The following PDZD2 variants were observed in gnomAD, a reference collection of about 807,000 sequenced individuals.
PDZD2 encodes the protein PDZ domain containing 2.
A neutral mutation model predicts 220.7 loss-of-function variants in PDZD2; 90 were observed. That is an observed-to-expected ratio of 0.41 (90% CI 0.34 to 0.49). The LOEUF is 0.49. Among genes scored for constraint, PDZD2 ranks in the 20% least tolerant of loss-of-function variants. The pLI, the probability that PDZD2 is intolerant of heterozygous loss-of-function variation, is 0.28. For synonymous variants in PDZD2, 1,375 were observed against 1,450.5 expected (o/e 0.95, Z 1.18); for missense variants, 3,174 against 3,608.5 (o/e 0.88, Z 3.08).
At chr5:32,042,071 C>T (rs559287056) in intron 7 of PDZD2, among the ~76,000 whole-genome samples, 35 of 68,912 alleles carry the variant, frequency 5.1e-4, no homozygotes, top group African/African-American at 1.1e-3. Context: ...CTGGCTAACA[C>T]GGTGAAACCC....
chr5:31,965,728 C>T (rs757047129), intron 2 of PDZD2, among the ~76,000 whole-genome samples: 3 of 152,098 alleles, frequency 2.0e-5, no homozygotes, highest in Non-Finnish European at 4.4e-5. Flanking sequence ...AACCCCATCT[C>T]TACTAAAAAA....
intron 2 of PDZD2, among the ~76,000 whole-genome samples, chr5:31,919,026 C>G (rs1223461589): frequency 6.6e-6 from 1 of 152,176 alleles, no homozygotes; most frequent in Non-Finnish European, 1.5e-5. Flanking sequence ...TTGTCACTTT[C>G]AATTACACCA....
intron 6 of PDZD2, among the ~76,000 whole-genome samples, chr5:32,022,838 A>C (rs1178256704): frequency 1.3e-5 from 2 of 152,144 alleles, no homozygotes; most frequent in Non-Finnish European, 2.9e-5. Flanking sequence ...AAAGTGACTC[A>C]CTGATGGCTT....
At chr5:31,789,640 AC>A (rs1753583250) in intron 1 of PDZD2, among the ~76,000 whole-genome samples, 1 of 152,166 alleles carries the variant, frequency 6.6e-6, no homozygotes. Context: ...TACAATAAAA[AC>A]TTCCGGGCTG....
chr5:31,966,222 GT>G (rs1748738927), intron 2 of PDZD2, among the ~76,000 whole-genome samples: 1 of 152,168 alleles, frequency 6.6e-6, no homozygotes, highest in Admixed American at 6.5e-5. Context: ...TGGTAGGGTT[GT>G]TTTAGATTGA....
chr5:31,982,063 G>A (rs575171937), intron 2 of PDZD2, among the ~76,000 whole-genome samples: 30 of 152,260 alleles, frequency 2.0e-4, no homozygotes, highest in African/African-American at 6.0e-4. Flanking sequence ...CATGCTGAGC[G>A]TCCTTTATTC....
At chr5:32,106,866 G>A (rs1438011219) in intron 24 of PDZD2, among the ~76,000 whole-genome samples, 3 of 152,206 alleles carry the variant, frequency 2.0e-5, no homozygotes, top group Non-Finnish European at 4.4e-5. Flanking sequence ...CCACTACAGG[G>A]CTGATATTGG....
chr5:31,943,794 G>C (rs897035326), intron 2 of PDZD2, among the ~76,000 whole-genome samples: 7 of 152,178 alleles, frequency 4.6e-5, no homozygotes, highest in African/African-American at 1.7e-4. Context: ...TTAAACATCT[G>C]TCTATCTTAA....
chr5:32,040,170 G>C (rs1355869877), intron 7 of PDZD2, among the ~76,000 whole-genome samples: 6 of 149,042 alleles, frequency 4.0e-5, no homozygotes, highest in Non-Finnish European at 7.4e-5. Flanking sequence ...CCTCTGCCCG[G>C]CTGCCCCATC....
At chr5:32,104,273 G>A (rs1744522726) in intron 24 of PDZD2, among the ~76,000 whole-genome samples, 2 of 151,860 alleles carry the variant, frequency 1.3e-5, no homozygotes, top group Non-Finnish European at 2.9e-5. Context: ...GTTTTCCTGT[G>A]TCTTTAAGCT....
Position 31,854,883 on chromosome 5 carries a change from C to T in PDZD2, c.476+55159C>T, listed in dbSNP as rs977615020. 13 of 728,740 alleles carry T rather than the reference C, an allele frequency of 1.8e-5. No homozygotes were observed. In the African/African-American group the frequency reaches 2.5e-4, roughly 14 times the overall value. 45.1% of individuals were successfully genotyped at this position (728,740 alleles called of 1,614,324 possible). On this transcript the variant is annotated intron_variant, in intron 2 of 24. Transcript: ENST00000438447. ...GTTTAGGATTGCATTACAGGCTTTT[C>T]CTAACCTCCTCCACCGCGGCGCGGA...
chr5:31,773,640 ACT>A (rs1752467004), intron 1 of PDZD2, among the ~76,000 whole-genome samples: 1 of 152,128 alleles, frequency 6.6e-6, no homozygotes. Context: ...ACAGAGCAAG[ACT>A]CTGTCTCAAA....
intron 1 of PDZD2, among the ~76,000 whole-genome samples, chr5:31,662,707 G>T (rs571832479): frequency 7.2e-5 from 11 of 152,292 alleles, no homozygotes; most frequent in Middle Eastern, 6.8e-3. Flanking sequence ...TCAGCTCACT[G>T]CATGCTCCGC....
intron 2 of PDZD2, chr5:31,847,577 TGGCTCGGA>T: frequency 1.4e-6 from 1 of 692,432 alleles, no homozygotes; most frequent in Non-Finnish European, 2.6e-6. Flanking sequence ...GGCCTGCTGC[TGGCTCGGA>T]GGCTTTTCAG....
intron 1 of PDZD2, among the ~76,000 whole-genome samples, chr5:31,770,950 A>G (rs1323599506): frequency 6.6e-6 from 1 of 151,982 alleles, no homozygotes; most frequent in Non-Finnish European, 1.5e-5. Flanking sequence ...AGTCTTGAAA[A>G]TGTGTGTGCT....
chr5:31,852,638 C>T (rs1172932249), intron 2 of PDZD2, among the ~76,000 whole-genome samples: 1 of 152,054 alleles, frequency 6.6e-6, no homozygotes, highest in Non-Finnish European at 1.5e-5. Flanking sequence ...ACTCTGTAGC[C>T]CAGGCTGGAG....
chr5:32,040,760 TGAG>T (rs1194785972), intron 7 of PDZD2, among the ~76,000 whole-genome samples: 2 of 126,278 alleles, frequency 1.6e-5, no homozygotes, highest in Admixed American at 8.0e-5. Flanking sequence ...TGGGAGGAAG[TGAG>T]GAGTGCCTCT....
chr5:31,672,858 C>T (rs1488097460), intron 1 of PDZD2, among the ~76,000 whole-genome samples: 1 of 152,156 alleles, frequency 6.6e-6, no homozygotes, highest in Non-Finnish European at 1.5e-5. Flanking sequence ...TTGGACAGAG[C>T]GGGGGCTCCC....
At chr5:32,066,629 T>C (rs1449563324) in intron 14 of PDZD2, among the ~76,000 whole-genome samples, 3 of 152,236 alleles carry the variant, frequency 2.0e-5, no homozygotes, top group Non-Finnish European at 4.4e-5. Flanking sequence ...CTGGCTGCCC[T>C]AATTCATCCG....
Sources: allele counts gnomAD v4.1 joint callset (sites outside exome capture counted in the v4.1 genomes callset), GRCh38; gene constraint gnomAD v4.1.1; transcripts MANE v1.5; gene names NCBI Gene and HGNC (gene_info 2026-07-23, HGNC 2026-07-21).